The following AP2A1 variants were observed in gnomAD, a reference collection of about 807,000 sequenced individuals.
The protein encoded by AP2A1 is AP-2 complex subunit alpha-1.
Under a neutral mutation model 107.3 loss-of-function variants are expected in AP2A1, and 21 were observed. The ratio of observed to expected loss-of-function variants is 0.20; its 90% CI spans 0.14 to 0.28. The LOEUF is 0.28. AP2A1 is among the 10% of genes least tolerant of loss of function. AP2A1 has a pLI of 1.00. For synonymous variants in AP2A1, 602 were observed against 564.8 expected (o/e 1.07, Z -0.93); for missense variants, 873 against 1,307.7 (o/e 0.67, Z 5.13).
chr19:49,773,215 G>A (rs1314118610), intron 1 of AP2A1, among the ~76,000 whole-genome samples: 1 of 152,232 alleles, frequency 6.6e-6, no homozygotes, highest in Non-Finnish European at 1.5e-5. Context: ...TCTGCAGCAG[G>A]AATACAGCAG....
intron 10 of AP2A1, 61 bp from the exon 11 acceptor site, chr19:49,799,907 C>A: frequency 1.9e-6 from 3 of 1,590,038 alleles, no homozygotes; most frequent in Non-Finnish European, 2.6e-6. Context: ...AGCCCAGATC[C>A]AGGTGAGTGA....
At chr19:49,770,837 C>T (rs949495876) in intron 1 of AP2A1, among the ~76,000 whole-genome samples, 1 of 151,998 alleles carries the variant, frequency 6.6e-6, no homozygotes, top group Non-Finnish European at 1.5e-5. Context: ...GGAGTGACTG[C>T]TCATGAATGC....
rs1484494969 is a variant in AP2A1, at chr19:49,785,907, A to T, written c.473+3183A>T. On this transcript the variant is annotated intron_variant, in intron 4 of 22. Coordinates refer to ENST00000354293, the MANE Select transcript of AP2A1 (RefSeq NM_130787.3). The surrounding 1 kb of genome is among the most constrained non-coding windows in gnomAD (Gnocchi z 4.1). ...ACTCCAGCCTGGGTGACAGAGCGAGACTCCATCTCAAAAAAAAAAAACATT... is the reference window on the plus strand; with the variant it reads ...ACTCCAGCCTGGGTGACAGAGCGAGTCTCCATCTCAAAAAAAAAAAACATT... Among the ~76,000 whole-genome samples, 1 of 148,814 alleles carries T rather than the reference A, an allele frequency of 6.7e-6. No homozygotes were observed. Among genetic ancestry groups the T allele is most frequent in the East Asian group, 2.0e-4 (1 of 5,080 alleles).
rs758388187 is a variant in AP2A1 at position 49,767,210 on chromosome 19, C to T, written c.67+10C>T. 1.9e-6 allele frequency: 3 copies of T among 1,610,790 alleles called. No individual in the cohort carries two copies. The highest frequency in any genetic ancestry group is 2.2e-5 in the East Asian group (1 of 44,846). On this transcript the variant is annotated intron_variant, in intron 1 of 22. Coordinates refer to ENST00000354293, the MANE Select transcript of AP2A1 (RefSeq NM_130787.3). ...TCCGACATCCGGAACTGTGAGCGCGCGGCCGGGGGACACTGGAGACGCGGG... is the reference window on the plus strand; with the variant it reads ...TCCGACATCCGGAACTGTGAGCGCGTGGCCGGGGGACACTGGAGACGCGGG...
chr19:49,768,114 AG>A (rs1208585242), intron 1 of AP2A1, among the ~76,000 whole-genome samples: 1 of 152,000 alleles, frequency 6.6e-6, no homozygotes, highest in Non-Finnish European at 1.5e-5. Flanking sequence ...GAATAGGGGA[AG>A]TCTAATCCCA....
intron 1 of AP2A1, 97 bp from the exon 2 acceptor site, chr19:49,781,660 C>T: frequency 1.6e-6 from 2 of 1,258,244 alleles, no homozygotes; most frequent in Non-Finnish European, 2.3e-6. Flanking sequence ...CGGAGAAGAT[C>T]TGCCCTTCCT....
At chr19:49,795,928 A>G (rs1304561698) in intron 7 of AP2A1, among the ~76,000 whole-genome samples, 190 bp downstream of exon 7, 2 of 151,746 alleles carry the variant, frequency 1.3e-5, no homozygotes, top group Admixed American at 1.3e-4. Flanking sequence ...CCCAGCGCCT[A>G]CCCTGTGCAG....
At chr19:49,767,330 C>G in intron 1 of AP2A1, 130 bp downstream of exon 1, 1 of 1,161,572 alleles carries the variant, frequency 8.6e-7, no homozygotes, top group Non-Finnish European at 1.2e-6. Context: ...CATAGATGGG[C>G]CCCAGGAAGA....
chr19:49,779,308 G>A (rs1361610939), intron 1 of AP2A1, among the ~76,000 whole-genome samples: 2 of 142,868 alleles, frequency 1.4e-5, no homozygotes, highest in African/African-American at 2.6e-5. Flanking sequence ...CTGCACTCCA[G>A]CCTGGGTGAC....
At chr19:49,784,372 C>T (rs1208760452) in intron 4 of AP2A1, among the ~76,000 whole-genome samples, 1 of 151,404 alleles carries the variant, frequency 6.6e-6, no homozygotes, top group Non-Finnish European at 1.5e-5. Context: ...GCAGAGGTTG[C>T]AGTGAGCCGA....
In AP2A1 at chr19:49,803,681, G is replaced by A. The variant is rs143459544; in HGVS notation, c.2344+305G>A. ...CGTCCTCCACTGGGCTCCATGTCATGATGCCAGCACCGCCTGCACTCAGGA... is the reference window on the plus strand; with the variant it reads ...CGTCCTCCACTGGGCTCCATGTCATAATGCCAGCACCGCCTGCACTCAGGA... On this transcript the variant is annotated intron_variant, in intron 18 of 22. Transcript: ENST00000354293. 4,212 of 431,076 alleles carry A rather than the reference G, an allele frequency of 9.8e-3. 26 individuals are homozygous for A. Among genetic ancestry groups the A allele is most frequent in the Middle Eastern group, 0.017 (24 of 1,422 alleles). The allele number at this position is 431,076 out of a possible 1,614,324, so 26.7% of individuals were successfully genotyped here. A position where few individuals can be genotyped will look rare whatever the true frequency, so the allele number is the denominator to read the frequency against.
At chr19:49,775,318 G>A (rs2084606734) in intron 1 of AP2A1, among the ~76,000 whole-genome samples, 1 of 152,192 alleles carries the variant, frequency 6.6e-6, no homozygotes, top group East Asian at 1.9e-4. Flanking sequence ...ATTTCAGTGT[G>A]TAACCAGTGT....
Position 49,803,190 on chromosome 19 carries a change from G to A in AP2A1, c.2254+1G>A. The A allele has an allele frequency of 6.2e-7, 1 of 1,613,976 alleles. No homozygotes were observed. The highest frequency in any genetic ancestry group is 8.5e-7 in the Non-Finnish European group (1 of 1,179,892). On this transcript the variant is annotated splice_donor_variant, in intron 17 of 22. Transcript: ENST00000354293. LOFTEE classifies it high-confidence loss of function. ...AAGTCAGAGTTCCGACAGAACCTGG[G>A]TGTGTCCCGGGGGACTGTGGGAATG...
intron 1 of AP2A1, 126 bp from the exon 2 acceptor site, chr19:49,781,631 G>A (rs2123690742): frequency 1.0e-6 from 1 of 993,378 alleles, no homozygotes; most frequent in Admixed American, 2.3e-5. Flanking sequence ...GGCCTGTCCT[G>A]AGCCCCAGGG....
intron 4 of AP2A1, 87 bp from the exon 5 acceptor site, chr19:49,791,848 T>C: frequency 1.3e-6 from 2 of 1,497,330 alleles, no homozygotes; most frequent in Non-Finnish European, 1.8e-6. Context: ...TCGCACACCC[T>C]TCCTGGGAGG....
intron 1 of AP2A1, among the ~76,000 whole-genome samples, chr19:49,767,477 A>T (rs1296961946): frequency 6.6e-6 from 1 of 151,910 alleles, no homozygotes; most frequent in African/African-American, 2.4e-5. Context: ...GGGAGCATAG[A>T]GGTGTCCCCT....
At position 49,775,557 on chromosome 19, in the gene AP2A1, C is replaced by T. The variant is rs138405058; in HGVS notation, c.68-6200C>T. 3.4e-3 allele frequency among the ~76,000 whole-genome samples: 517 copies of T among 152,240 alleles called. 4 individuals carry two copies. Among genetic ancestry groups the T allele is most frequent in the African/African-American group, 0.011 (462 of 41,562 alleles). ...CCCAAACTCCTGACCTCAAGTGATCCACCTGCCTCGGCCTCCCAAAGTGCT... is the reference window on the plus strand; with the variant it reads ...CCCAAACTCCTGACCTCAAGTGATCTACCTGCCTCGGCCTCCCAAAGTGCT... On this transcript the variant is annotated intron_variant, in intron 1 of 22. Coordinates refer to ENST00000354293, the MANE Select transcript of AP2A1 (RefSeq NM_130787.3).
At chr19:49,794,668 TTC>T (rs1368146734) in intron 6 of AP2A1, among the ~76,000 whole-genome samples, 1 of 152,078 alleles carries the variant, frequency 6.6e-6, no homozygotes, top group Non-Finnish European at 1.5e-5. Flanking sequence ...CACATGATCT[TTC>T]TTTTTTTTTG....
chr19:49,790,467 A>ACCCAGGCTGCAGCCTTCACCT, intron 4 of AP2A1, among the ~76,000 whole-genome samples: 1 of 152,080 alleles, frequency 6.6e-6, no homozygotes, highest in Non-Finnish European at 1.5e-5. Flanking sequence ...TTGCTCTGCC[A>ACCCAGGCTGCAGCCTTCACCT]CCCAGGCTGC....
Sources: gnomAD v4.1 joint callset for allele counts (sites outside exome capture counted in the v4.1 genomes callset) on GRCh38, gnomAD v4.1.1 for gene constraint, Gnocchi (gnomAD v3.1) non-coding constraint, MANE v1.5 for transcripts, NCBI Gene and HGNC (gene_info 2026-07-23, HGNC 2026-07-21) for gene names.